NRG3: variants seen among roughly 807,000 people sequenced by gnomAD.
The protein encoded by NRG3 is pro-neuregulin-3, membrane-bound isoform.
NRG3 carries 31 observed loss-of-function variants against 66.9 expected under a neutral mutation model. That is an observed-to-expected ratio of 0.46 (90% confidence interval 0.35 to 0.63). The LOEUF is 0.63. Ranked by LOEUF, NRG3 falls within the 20% of genes least tolerant of loss-of-function variation. The pLI is 0.00. For synonymous variants in NRG3, 393 were observed against 359.4 expected (o/e 1.09, Z -1.06); for missense variants, 910 against 878.9 (o/e 1.04, Z -0.45).
At chr10:82,763,234 C>T (rs2059394874) in intron 3 of NRG3, among the ~76,000 whole-genome samples, 1 of 152,126 alleles carries the variant, frequency 6.6e-6, no homozygotes, top group African/African-American at 2.4e-5. Flanking sequence ...GTAATAATCA[C>T]TCAGCATGAG....
At chr10:82,628,640 C>A (rs991896359) in intron 2 of NRG3, among the ~76,000 whole-genome samples, 1 of 152,054 alleles carries the variant, frequency 6.6e-6, no homozygotes, top group Non-Finnish European at 1.5e-5. Flanking sequence ...GTTCCACATA[C>A]ACACTCTTTC....
chr10:82,577,896 C>T (rs1241441782), intron 2 of NRG3, among the ~76,000 whole-genome samples: 1 of 151,668 alleles, frequency 6.6e-6, no homozygotes, highest in African/African-American at 2.4e-5. Flanking sequence ...AGTTTTATTA[C>T]AAAATTTCTT....
At chr10:82,166,965 C>T in intron 1 of NRG3, 1 of 443,066 alleles carries the variant, frequency 2.3e-6, no homozygotes, top group East Asian at 3.4e-5. Flanking sequence ...AAGAAATCTG[C>T]CATCTTTCTT....
At chr10:82,697,919 C>T (rs1591214009) in intron 2 of NRG3, among the ~76,000 whole-genome samples, 1 of 152,044 alleles carries the variant, frequency 6.6e-6, no homozygotes, top group Non-Finnish European at 1.5e-5. Flanking sequence ...GTGACAGTCC[C>T]GCTCTGAGTG....
At chr10:82,266,490 G>A (rs1031451021) in intron 1 of NRG3, among the ~76,000 whole-genome samples, 3 of 152,266 alleles carry the variant, frequency 2.0e-5, no homozygotes, top group South Asian at 2.1e-4. Flanking sequence ...ACTGAGTCAG[G>A]ACTGAGATTC....
intron 2 of NRG3, among the ~76,000 whole-genome samples, chr10:82,422,042 T>C (rs992975679): frequency 2.6e-5 from 4 of 152,050 alleles, no homozygotes; most frequent in Admixed American, 1.3e-4. Context: ...TTACATGTGA[T>C]ATATGATCGT....
intron 1 of NRG3, among the ~76,000 whole-genome samples, chr10:82,089,795 T>A (rs1002997420): frequency 9.9e-5 from 15 of 151,440 alleles, no homozygotes; most frequent in African/African-American, 3.2e-4. Context: ...CATTTCAATC[T>A]TTCTTTTAAG....
chr10:82,599,403 G>A (rs2047479584), intron 2 of NRG3, among the ~76,000 whole-genome samples: 1 of 152,168 alleles, frequency 6.6e-6, no homozygotes, highest in Non-Finnish European at 1.5e-5. Context: ...GATTTGAAGA[G>A]GGGATGAGTG....
intron 2 of NRG3, among the ~76,000 whole-genome samples, chr10:82,729,282 C>A (rs1312630896): frequency 1.3e-5 from 2 of 152,172 alleles, no homozygotes; most frequent in East Asian, 3.8e-4. Context: ...AAATTTCATC[C>A]ATCTTCCAAC....
chr10:82,966,025 T>A lies in NRG3; in HGVS notation c.1284+6950T>A, dbSNP rs1033630093. Among the ~76,000 whole-genome samples, 26 of 152,212 alleles carry A rather than the reference T, an allele frequency of 1.7e-4. 2 individuals carry two copies. The highest frequency in any genetic ancestry group is 2.9e-5 in the Non-Finnish European group (2 of 68,036). On this transcript the variant is annotated intron_variant, in intron 6 of 8. Coordinates refer to ENST00000372141, the MANE Select transcript of NRG3 (RefSeq NM_001010848.4). ...TGATATTTTAGGATAGCTTTCAATT[T>A]ACAGAAAAGTTGAGAGGATACCACA...
chr10:82,160,493 C>T (rs1236415794), intron 1 of NRG3, among the ~76,000 whole-genome samples: 1 of 150,680 alleles, frequency 6.6e-6, no homozygotes, highest in Non-Finnish European at 1.5e-5. Flanking sequence ...TAAGGAATTT[C>T]TTTTTTTTTG....
chr10:82,461,361 T>C (rs540172377), intron 2 of NRG3, among the ~76,000 whole-genome samples: 1 of 151,924 alleles, frequency 6.6e-6, no homozygotes, highest in Non-Finnish European at 1.5e-5. Flanking sequence ...ATTAACACCA[T>C]CACCACCAGC....
chr10:81,966,653 C>G (rs2059741024), intron 1 of NRG3, among the ~76,000 whole-genome samples: 1 of 152,004 alleles, frequency 6.6e-6, no homozygotes, highest in Non-Finnish European at 1.5e-5. Flanking sequence ...TAAGAATGAT[C>G]AAGACATGAA....
At chr10:82,518,197 T>A (rs1845876242) in intron 2 of NRG3, among the ~76,000 whole-genome samples, 1 of 152,152 alleles carries the variant, frequency 6.6e-6, no homozygotes, top group Non-Finnish European at 1.5e-5. Context: ...ACAATAAAAA[T>A]TATCCAATTG....
intron 2 of NRG3, among the ~76,000 whole-genome samples, chr10:82,671,218 T>C (rs776081542): frequency 6.6e-6 from 1 of 152,202 alleles, no homozygotes; most frequent in Non-Finnish European, 1.5e-5. Context: ...CTCCTTTGTC[T>C]CTTTCTTAGT....
intron 1 of NRG3, among the ~76,000 whole-genome samples, chr10:82,194,284 CAAAG>C (rs1166786392): frequency 6.6e-6 from 1 of 151,760 alleles, no homozygotes; most frequent in Non-Finnish European, 1.5e-5. Context: ...AGTGCTGTGA[CAAAG>C]AACAAGAAGC....
At chr10:82,730,845 G>A (rs1253830350) in intron 2 of NRG3, among the ~76,000 whole-genome samples, 1 of 152,108 alleles carries the variant, frequency 6.6e-6, no homozygotes, top group Non-Finnish European at 1.5e-5. Context: ...AATACCTTTT[G>A]AGCCAATAAC....
rs1457410560 is a variant in NRG3, at chr10:82,216,574, GT to G, written c.824-142164del. 1.8e-4 allele frequency among the ~76,000 whole-genome samples: 21 copies of G among 118,234 alleles called. No individual in the cohort carries two copies. The East Asian group carries it at 5.8e-3, about 32-fold the overall frequency. The allele number at this position is 118,234 out of a possible 152,430, so 77.6% of individuals were successfully genotyped here. On this transcript the variant is annotated intron_variant, in intron 1 of 8. Transcript: ENST00000372141. ...TATACATATGTATGTATATATCTGG[GT>G]GTGTGTGTGTGTGTGTGTGTATAGA... is the stretch of plus-strand genomic sequence containing the variant.
intron 1 of NRG3, among the ~76,000 whole-genome samples, chr10:82,207,433 A>G (rs1430323063): frequency 6.6e-6 from 1 of 152,154 alleles, no homozygotes; most frequent in Non-Finnish European, 1.5e-5. Flanking sequence ...CGTGGGATGA[A>G]TAACATGTCT....
Sources: gnomAD v4.1 joint callset for allele counts (sites outside exome capture counted in the v4.1 genomes callset) on GRCh38, gnomAD v4.1.1 for gene constraint, MANE v1.5 for transcripts, NCBI Gene and HGNC (gene_info 2026-07-23, HGNC 2026-07-21) for gene names.